The following ITPRID2 variants were observed in gnomAD, a reference collection of about 807,000 sequenced individuals.
The protein encoded by ITPRID2 is protein ITPRID2.
Under a neutral mutation model 124.3 loss-of-function variants are expected in ITPRID2, and 60 were observed. The observed-to-expected ratio is 0.48, with a 90% CI of 0.39 to 0.60. ITPRID2 has a LOEUF of 0.60. ITPRID2 is among the 20% of genes least tolerant of loss of function. The probability of loss-of-function intolerance (pLI) is 0.00; values close to 1 mark genes in which losing one functional copy is unlikely to be tolerated. For missense variants in ITPRID2, 1,553 were observed against 1,512.2 expected, an observed-to-expected ratio of 1.03 and a Z score of -0.45; for synonymous variants, 521 against 542.9, an observed-to-expected ratio of 0.96 and a Z score of 0.56.
Position 181,901,009 on chromosome 2 carries a change from A to G in ITPRID2, c.712+105A>G, listed in dbSNP as rs1312319684. On this transcript the variant is annotated intron_variant, in intron 7 of 17. Coordinates refer to ENST00000431877, the MANE Select transcript of ITPRID2 (RefSeq NM_001130445.3). The stretch of plus-strand genomic sequence containing the variant: ...ATTTTCAGGAATAGCACTGGAAAGT[A>G]AAGAGATTGATTAACGCAAAAGCCA... 4.5e-6 allele frequency: 4 copies of G among 887,390 alleles called. No individual in the cohort carries two copies. The East Asian group carries it at 1.1e-4, about 25-fold the overall frequency. The allele number at this position is 887,390 out of a possible 1,614,324, so 55.0% of individuals were successfully genotyped here.
In ITPRID2 at chr2:181,919,843, C is replaced by G. The variant is rs570122232; in HGVS notation, c.3144+397C>G. Among the ~76,000 whole-genome samples the G allele has an allele frequency of 6.6e-6, 1 of 150,748 alleles. No homozygotes were observed. The highest frequency in any genetic ancestry group is 2.4e-5 in the African/African-American group (1 of 41,082). On this transcript the variant is annotated intron_variant, in intron 14 of 17. Transcript: ENST00000431877. This position sits in a 1 kb window ranked among gnomAD's most constrained non-coding sequence, Gnocchi z 4.2. ...TCATGCCTTTAAATAAAAAAGTGTT[C>G]CTTTTAAACTTTTTCTTTATTTTGG...
chr2:181,918,666 T>G lies in ITPRID2; in HGVS notation c.2856T>G (p.Pro952=). ...PYSTQKSSVL[P]LYENTFQELQ... is the part of the protein sequence containing the mutation. ...GTACTCAGAAATCATCTGTTCTACCTCTTTATGAAGTAAGTTCTTTCTTAC... is the reference window on the plus strand; with the variant it reads ...GTACTCAGAAATCATCTGTTCTACCGCTTTATGAAGTAAGTTCTTTCTTAC... The change falls in exon 12 of 18, where the codon CCT becomes CCG. Residue 952 remains proline (P), a synonymous_variant. Coordinates refer to ENST00000431877, the MANE Select transcript of ITPRID2 (RefSeq NM_001130445.3). The G allele has an allele frequency of 6.2e-7, 1 of 1,614,118 alleles. No individual in the cohort carries two copies. The highest frequency in any genetic ancestry group is 8.5e-7 in the Non-Finnish European group (1 of 1,179,976).
rs1271328690 is a variant in ITPRID2, at chr2:181,892,202, G to A, written c.136G>A (p.Ala46Thr). The change falls in exon 1 of 18, where the codon GCG (alanine) becomes ACG (threonine). Residue 46 changes from alanine (A) to threonine (T), a missense_variant. Transcript: ENST00000431877. This position sits in a 1 kb window ranked among gnomAD's most constrained non-coding sequence, Gnocchi z 5.2. ...GGAGACGGAGGATCTGTCCACAGAA[G>A]CGACGACGCAGGACGAGGAGGAGGA... ...ASETEDLSTE[A>T]TTQDEEEDEE... The A allele has an allele frequency of 3.9e-6, 6 of 1,552,602 alleles. No homozygotes were observed. Among genetic ancestry groups the A allele is most frequent in the Admixed American group, 2.0e-5 (1 of 51,102 alleles).
Position 181,921,929 on chromosome 2 carries a change from A to T in ITPRID2, c.3211-19A>T, listed in dbSNP as rs781201609. On this transcript the variant is annotated intron_variant, in intron 15 of 17. Transcript: ENST00000431877. ...CTTAATTCCAAGAGAGAAGAATAAC[A>T]TTTTTTTATGATCTCCAGGTCACTG... 2 of 1,595,186 alleles carry T rather than the reference A, an allele frequency of 1.3e-6. No individual in the cohort carries two copies. Among genetic ancestry groups the T allele is most frequent in the South Asian group, 2.3e-5 (2 of 88,056 alleles).
intron 16 of ITPRID2, 49 bp downstream of exon 16, chr2:181,922,461 G>T: frequency 6.9e-7 from 1 of 1,450,492 alleles, no homozygotes; most frequent in South Asian, 1.4e-5. Flanking sequence ...ATATGTTAGA[G>T]GAGATTTTGT....
chr2:181,903,297 T>C (rs1692830126), intron 8 of ITPRID2, among the ~76,000 whole-genome samples: 1 of 152,214 alleles, frequency 6.6e-6, no homozygotes, highest in South Asian at 2.1e-4. Flanking sequence ...TCTCATTTTA[T>C]ACATGAGGAA....
Position 181,919,353 on chromosome 2 carries a change from C to T in ITPRID2, c.3051C>T (p.Asp1017=). Residue 1017 remains aspartate, a synonymous_variant, in exon 14 of 18, where the codon GAC becomes GAT. Transcript: ENST00000431877. The surrounding 1 kb of genome is among the most constrained non-coding windows in gnomAD (Gnocchi z 4.2). The part of the protein sequence containing the change: ...LRNSVRMELQ[D]LELQLEERLL... ...ATTCAGTCCGAATGGAACTTCAGGA[C>T]CTGGAACTGCAGCTGGAGGAGCGCC... 1 of 1,614,108 alleles carries T rather than the reference C, an allele frequency of 6.2e-7. No individual in the cohort carries two copies. Among genetic ancestry groups the T allele is most frequent in the Non-Finnish European group, 8.5e-7 (1 of 1,180,028 alleles).
intron 17 of ITPRID2, among the ~76,000 whole-genome samples, chr2:181,928,926 G>A (rs1049723693): frequency 5.9e-5 from 9 of 151,900 alleles, no homozygotes; most frequent in East Asian, 1.9e-4. Flanking sequence ...GCGCCCGGCC[G>A]AATTAATCAC....
At chr2:181,897,346 C>G (rs1309068855) in intron 4 of ITPRID2, among the ~76,000 whole-genome samples, 4 of 151,994 alleles carry the variant, frequency 2.6e-5, no homozygotes, top group Non-Finnish European at 5.9e-5. Flanking sequence ...GTCATACTTA[C>G]AGCTGCAGCT....
intron 6 of ITPRID2, among the ~76,000 whole-genome samples, chr2:181,899,781 A>G (rs923253531): frequency 2.6e-5 from 4 of 152,180 alleles, no homozygotes; most frequent in Admixed American, 6.5e-5. Context: ...GCAGTGAGCT[A>G]TAATTGTGCC....
At position 181,912,251 on chromosome 2, in the gene ITPRID2, A is replaced by G. The variant is rs116586710; in HGVS notation, c.1487-1594A>G. Among the ~76,000 whole-genome samples, 1,165 of 152,358 alleles carry G rather than the reference A, an allele frequency of 7.6e-3. 6 individuals are homozygous for G. The highest frequency in any genetic ancestry group is 0.012 in the Non-Finnish European group (792 of 68,022). On this transcript the variant is annotated intron_variant, in intron 9 of 17. Transcript: ENST00000431877. The stretch of plus-strand genomic sequence containing the variant: ...CAAAGAAGAATAGTTTCTGCCTTCA[A>G]AAGGCTCACAATCTAGTTTAAAGAT...
At position 181,911,488 on chromosome 2, in the gene ITPRID2, A is replaced by G. The variant is rs974666144; in HGVS notation, c.1486+1517A>G. On this transcript the variant is annotated intron_variant, in intron 9 of 17. Coordinates refer to ENST00000431877, the MANE Select transcript of ITPRID2 (RefSeq NM_001130445.3). ...ATTTTTCTTATTAAAGAAGACATAC[A>G]ATATTTTCTTTAGTCTAGGAGAGAA... is the stretch of plus-strand genomic sequence containing the variant. Among the ~76,000 whole-genome samples the G allele has an allele frequency of 6.6e-5, 10 of 152,318 alleles. No individual in the cohort carries two copies. The South Asian group carries it at 1.0e-3, about 16-fold the overall frequency.
rs574910812 is a variant in ITPRID2 at position 181,892,738 on chromosome 2, C to T, written c.257+78C>T. The T allele has an allele frequency of 6.4e-7, 1 of 1,557,908 alleles. No individual in the cohort carries two copies. The highest frequency in any genetic ancestry group is 1.7e-5 in the Admixed American group (1 of 59,404). ...CGCCGGAGCAGAGCCACTCGGGCCG[C>T]GTCCCTGTGGGTCCCGCGACCGTTG... On this transcript the variant is annotated intron_variant, in intron 2 of 17. Coordinates refer to ENST00000431877, the MANE Select transcript of ITPRID2 (RefSeq NM_001130445.3). The surrounding 1 kb of genome is among the most constrained non-coding windows in gnomAD (Gnocchi z 5.2).
Position 181,896,073 on chromosome 2 carries a change from C to T in ITPRID2, c.301C>T (p.Leu101Phe). The change falls in exon 3 of 18, where the codon CTC becomes TTC. Residue 101 changes from leucine to phenylalanine, a missense_variant. Coordinates refer to ENST00000431877, the MANE Select transcript of ITPRID2 (RefSeq NM_001130445.3). The surrounding 1 kb of genome is among the most constrained non-coding windows in gnomAD (Gnocchi z 4.3). ...ACTGGATGAACAAAGCAGTAGTACA[C>T]TCAAGGGTAAGAGAAGGTTGCCTTT... is the stretch of plus-strand genomic sequence containing the variant. ...ASLDEQSSST[L>F]KGVLVRNGGS... 1.2e-6 allele frequency: 2 copies of T among 1,612,692 alleles called. No homozygotes were observed. Among genetic ancestry groups the T allele is most frequent in the Non-Finnish European group, 1.7e-6 (2 of 1,178,856 alleles).
chr2:181,898,171 A>G lies in ITPRID2; in HGVS notation c.365-709A>G, dbSNP rs563680298. 7.9e-5 allele frequency among the ~76,000 whole-genome samples: 12 copies of G among 152,186 alleles called. No individual in the cohort carries two copies. The South Asian group carries it at 2.3e-3, about 29-fold the overall frequency. On this transcript the variant is annotated intron_variant, in intron 4 of 17. Transcript: ENST00000431877. ...TGTGAGTTAGGCACCTTTCTGGTGG[A>G]TGTACAAAGAAACACAAAATTGTCA...
intron 10 of ITPRID2, 113 bp downstream of exon 10, chr2:181,914,046 C>A: frequency 1.5e-6 from 1 of 645,680 alleles, no homozygotes; most frequent in Non-Finnish European, 2.6e-6. Context: ...TTTCAAGTGA[C>A]AGAACAAAAC....
chr2:181,918,513 C>T, intron 11 of ITPRID2, 85 bp from the exon 12 acceptor site: 3 of 1,562,416 alleles, frequency 1.9e-6, no homozygotes, highest in South Asian at 2.5e-5. Flanking sequence ...ATATATAGGC[C>T]CCAAATTCTG....
At chr2:181,903,994 G>A (rs1457351737) in intron 8 of ITPRID2, among the ~76,000 whole-genome samples, 2 of 152,112 alleles carry the variant, frequency 1.3e-5, no homozygotes, top group Admixed American at 6.5e-5. Flanking sequence ...TTAGGTAATT[G>A]CAAATCTGAT....
intron 8 of ITPRID2, among the ~76,000 whole-genome samples, chr2:181,906,752 A>AAAAAG (rs1491304341): frequency 7.0e-6 from 1 of 142,866 alleles, no homozygotes; most frequent in East Asian, 2.0e-4. Flanking sequence ...AAAATGAAAT[A>AAAAAG]AAAAAAAAAA....
Sources: allele counts gnomAD v4.1 joint callset (sites outside exome capture counted in the v4.1 genomes callset), GRCh38; gene constraint gnomAD v4.1.1; non-coding constraint Gnocchi (gnomAD v3.1); transcripts MANE v1.5; gene names NCBI Gene and HGNC (gene_info 2026-07-23, HGNC 2026-07-21).